Variants in CHST13 observed in about 807,000 individuals in gnomAD.
CHST13 encodes the protein carbohydrate sulfotransferase 13.
CHST13 carries 1 observed loss-of-function variant against 7.0 expected under a neutral mutation model. The observed-to-expected ratio is 0.14, with a 90% CI of 0.05 to 0.68. The LOEUF (loss-of-function observed/expected upper bound fraction) is 0.68, where lower values mean the gene tolerates loss of function less well. Among genes scored for constraint, CHST13 ranks in the 30% least tolerant of loss-of-function variants. The pLI is 0.82. For synonymous variants in CHST13, 257 were observed against 240.9 expected, an observed-to-expected ratio of 1.07 and a Z score of -0.62; for missense variants, 572 against 507.9, an observed-to-expected ratio of 1.13 and a Z score of -1.21.
At position 126,535,720 on chromosome 3, in the gene CHST13, G is replaced by T. The variant is rs568528203; in HGVS notation, c.98-551G>T. Among the ~76,000 whole-genome samples, 170 of 152,380 alleles carry T rather than the reference G, an allele frequency of 1.1e-3. No individual in the cohort carries two copies. In the Middle Eastern group the frequency reaches 0.041, roughly 37 times the overall value. ...GAGATAGCTAAACCTGCTTCCATGT[G>T]AAGCAGCATATTCCCTGATGGGGAA... is the stretch of plus-strand genomic sequence containing the variant. On this transcript the variant is annotated intron_variant, in intron 1 of 2. Transcript: ENST00000319340.
At chr3:126,540,313 A>G (rs982893682) in intron 2 of CHST13, among the ~76,000 whole-genome samples, 2 of 152,158 alleles carry the variant, frequency 1.3e-5, no homozygotes, top group Admixed American at 1.3e-4. Context: ...CCGCTGTCTA[A>G]TTTCCAAACA....
At chr3:126,534,794 C>G (rs763148920) in intron 1 of CHST13, among the ~76,000 whole-genome samples, 1 of 150,768 alleles carries the variant, frequency 6.6e-6, no homozygotes, top group African/African-American at 2.4e-5. Context: ...AGGAGAAAAA[C>G]AGACAGCATC....
chr3:126,531,238 G>A (rs1192921538), intron 1 of CHST13, among the ~76,000 whole-genome samples: 5 of 152,228 alleles, frequency 3.3e-5, no homozygotes, highest in African/African-American at 1.2e-4. Context: ...CTCTAGAGGT[G>A]GGGCCCGGGA....
At chr3:126,529,310 C>A in intron 1 of CHST13, 1 of 1,288,386 alleles carries the variant, frequency 7.8e-7, no homozygotes, top group Non-Finnish European at 1.0e-6. Context: ...TTGAGCAGCT[C>A]TCTCTGCTCT....
At chr3:126,525,967 C>T (rs1368885364) in intron 1 of CHST13, among the ~76,000 whole-genome samples, 2 of 152,180 alleles carry the variant, frequency 1.3e-5, no homozygotes, top group African/African-American at 2.4e-5. Context: ...AGGAGGACGG[C>T]TCCGAACCTC....
intron 2 of CHST13, among the ~76,000 whole-genome samples, chr3:126,540,472 G>A (rs966409163): frequency 6.6e-6 from 1 of 152,190 alleles, no homozygotes; most frequent in African/African-American, 2.4e-5. Context: ...ACCTCACTAA[G>A]TGGGACTGTT....
chr3:126,542,181 C>T lies in CHST13; in HGVS notation c.629C>T (p.Pro210Leu). 6.9e-7 allele frequency: 1 copy of T among 1,447,222 alleles called. No individual in the cohort carries two copies. Among genetic ancestry groups the T allele is most frequent in the Non-Finnish European group, 9.0e-7 (1 of 1,107,400 alleles). 89.6% of individuals were successfully genotyped at this position (1,447,222 alleles called of 1,614,324 possible). Residue 210 changes from proline (P) to leucine (L), a missense_variant, in exon 3 of 3, where the codon CCG becomes CTG. Coordinates refer to ENST00000319340, the MANE Select transcript of CHST13 (RefSeq NM_152889.3). ...GCACGCATCGTTCAGCGCCTGCGGC[C>T]GCGCGCGCTCCCCGACGCCCGGGCC... ...YGARIVQRLR[P>L]RALPDARARG...
Position 126,524,308 on chromosome 3 carries a change from T to C in CHST13, c.-25T>C. 1 of 1,230,998 alleles carries C rather than the reference T, an allele frequency of 8.1e-7. No homozygotes were observed. The highest frequency in any genetic ancestry group is 1.0e-6 in the Non-Finnish European group (1 of 987,158). 76.3% of individuals were successfully genotyped at this position (1,230,998 alleles called of 1,614,324 possible). A position where few individuals can be genotyped will look rare whatever the true frequency, so the allele number is the denominator to read the frequency against. On this transcript the variant is annotated 5_prime_UTR_variant, in exon 1 of 3. Coordinates refer to ENST00000319340, the MANE Select transcript of CHST13 (RefSeq NM_152889.3). ...GCCCCCAGCCGTATCCAGCGGACTG[T>C]CCTCCGCCGCGCGCCCGGCACAGCA... is the stretch of plus-strand genomic sequence containing the variant.
intron 1 of CHST13, among the ~76,000 whole-genome samples, chr3:126,534,041 G>A (rs28670960): frequency 0.045 from 6,834 of 152,048 alleles, 231 homozygotes; most frequent in African/African-American, 0.095. Context: ...ATCCTTTCTT[G>A]TTTCTTTAAG....
chr3:126,542,516 C>G lies in CHST13; in HGVS notation c.964C>G (p.Leu322Val). Residue 322 changes from leucine to valine, a missense_variant, in exon 3 of 3, where the codon CTC (leucine) becomes GTC (valine). By Grantham distance (32) the Leu-to-Val change is conservative (BLOSUM62 1). Coordinates refer to ENST00000319340, the MANE Select transcript of CHST13 (RefSeq NM_152889.3). ...CTTCTACCAGCGGCGCCTCTTCGAC[C>G]TCTACAAGATGGACTTCCTGCTTTT... ...SPFYQRRLFD[L>V]YKMDFLLFNY... The G allele has an allele frequency of 6.4e-7, 1 of 1,566,870 alleles. No individual in the cohort carries two copies. Among genetic ancestry groups the G allele is most frequent in the Non-Finnish European group, 8.6e-7 (1 of 1,162,604 alleles).
At chr3:126,528,160 G>A (rs958144080) in intron 1 of CHST13, among the ~76,000 whole-genome samples, 2 of 151,810 alleles carry the variant, frequency 1.3e-5, no homozygotes, top group African/African-American at 4.8e-5. Flanking sequence ...GGGTCCTTGA[G>A]AGAGAATGGT....
chr3:126,539,634 C>A (rs1404727651), intron 2 of CHST13, among the ~76,000 whole-genome samples: 1 of 137,128 alleles, frequency 7.3e-6, no homozygotes, highest in Non-Finnish European at 1.6e-5. Context: ...CACACACACA[C>A]CCCACACACC....
At chr3:126,524,702 T>C (rs1936502272) in intron 1 of CHST13, among the ~76,000 whole-genome samples, 1 of 152,128 alleles carries the variant, frequency 6.6e-6, no homozygotes, top group South Asian at 2.1e-4. Context: ...CCGGGGTCAG[T>C]TGTGGGGGGT....
chr3:126,536,111 C>A (rs1936784492), intron 1 of CHST13, among the ~76,000 whole-genome samples, 160 bp from the exon 2 acceptor site: 1 of 152,106 alleles, frequency 6.6e-6, no homozygotes, highest in Non-Finnish European at 1.5e-5. Flanking sequence ...GTACCCCCTG[C>A]CATCCCCCAC....
chr3:126,529,233 T>C (rs1024083344), intron 1 of CHST13: 5 of 1,037,422 alleles, frequency 4.8e-6, no homozygotes, highest in Non-Finnish European at 6.6e-6. Flanking sequence ...ACCCGGTATC[T>C]TGATTGGCAG....
intron 1 of CHST13, among the ~76,000 whole-genome samples, chr3:126,532,446 T>C (rs527356485): frequency 6.6e-6 from 1 of 152,348 alleles, no homozygotes; most frequent in African/African-American, 2.4e-5. Context: ...AGTTTTTGTA[T>C]GTGGTATGAA....
At chr3:126,524,775 C>G (rs953843423) in intron 1 of CHST13, among the ~76,000 whole-genome samples, 2 of 152,218 alleles carry the variant, frequency 1.3e-5, no homozygotes, top group Non-Finnish European at 2.9e-5. Flanking sequence ...CCCCTGCGCA[C>G]CCCACGGCCC....
rs1436834897 is a variant in CHST13 at position 126,542,227 on chromosome 3, C to A, written c.675C>A (p.Phe225Leu). The A allele has an allele frequency of 2.0e-6, 3 of 1,503,450 alleles. No homozygotes were observed. The highest frequency in any genetic ancestry group is 4.4e-5 in the Admixed American group (2 of 45,888). The allele number at this position is 1,503,450 out of a possible 1,614,324, so 93.1% of individuals were successfully genotyped here. A position where few individuals can be genotyped will look rare whatever the true frequency, so the allele number is the denominator to read the frequency against. ...GGGCCCGCGGCCACGACGTGCGCTT[C>A]GCGGAGTTCCTGGCCTACCTGCTGG... ...DARARGHDVR[F>L]AEFLAYLLDP... The change falls in exon 3 of 3, where the codon TTC becomes TTA. Residue 225 changes from phenylalanine (F) to leucine (L), a missense_variant. By Grantham distance (22) the Phe-to-Leu change is conservative. Transcript: ENST00000319340.
chr3:126,539,837 AC>A (rs1936904832), intron 2 of CHST13, among the ~76,000 whole-genome samples: 1 of 72,666 alleles, frequency 1.4e-5, no homozygotes, highest in Non-Finnish European at 2.4e-5. Context: ...CCACACACAC[AC>A]CACACACATC....
Sources: allele counts gnomAD v4.1 joint callset (sites outside exome capture counted in the v4.1 genomes callset), GRCh38; gene constraint gnomAD v4.1.1; transcripts MANE v1.5; gene names NCBI Gene and HGNC (gene_info 2026-07-23, HGNC 2026-07-21).